The following ITPR2 variants were observed in gnomAD, a reference collection of about 807,000 sequenced individuals.
ITPR2 encodes the protein inositol 1,4,5-trisphosphate receptor type 2.
A neutral mutation model predicts 317.1 loss-of-function variants in ITPR2; 207 were observed. The ratio of observed to expected loss-of-function variants is 0.65; its 90% confidence interval spans 0.58 to 0.73. The LOEUF is 0.73. Ranked by LOEUF, ITPR2 falls within the 30% of genes least tolerant of loss-of-function variation. The probability of loss-of-function intolerance (pLI) is 0.00; values close to 1 mark genes in which losing one functional copy is unlikely to be tolerated. For missense variants in ITPR2, 2,613 were observed against 3,284.0 expected, an observed-to-expected ratio of 0.80 and a Z score of 4.99; for synonymous variants, 1,156 against 1,149.1, an observed-to-expected ratio of 1.01 and a Z score of -0.12.
At chr12:26,764,642 G>A (rs1465351827) in intron 2 of ITPR2, among the ~76,000 whole-genome samples, 2 of 151,628 alleles carry the variant, frequency 1.3e-5, no homozygotes, top group Non-Finnish European at 3.0e-5. Context: ...CAAAGAAAAG[G>A]AATTATTGGG....
intron 47 of ITPR2, among the ~76,000 whole-genome samples, chr12:26,436,613 G>A (rs1386075783): frequency 6.6e-6 from 1 of 152,160 alleles, no homozygotes; most frequent in East Asian, 1.9e-4. Context: ...GCTAAAGGTG[G>A]TCAGAAAAGG....
chr12:26,442,169 T>C (rs917552896), intron 46 of ITPR2, among the ~76,000 whole-genome samples: 1 of 152,100 alleles, frequency 6.6e-6, no homozygotes, highest in Non-Finnish European at 1.5e-5. Context: ...CTTCACTTAC[T>C]TTCTCCTTTC....
At chr12:26,391,119 G>T (rs551716779) in intron 54 of ITPR2, among the ~76,000 whole-genome samples, 1 of 152,140 alleles carries the variant, frequency 6.6e-6, no homozygotes. Flanking sequence ...GAAGTGAATG[G>T]TAATAAAAGG....
rs765192623 is a variant in ITPR2, at chr12:26,580,121, T to C, written c.4415A>G (p.Asp1472Gly). The C allele has an allele frequency of 1.2e-6, 2 of 1,612,530 alleles. No homozygotes were observed. Among genetic ancestry groups the C allele is most frequent in the East Asian group, 4.5e-5 (2 of 44,828 alleles). The change falls in exon 33 of 57, where the codon GAC (aspartate) becomes GGC (glycine). Residue 1472 changes from aspartate (D) to glycine (G), a missense_variant. Physicochemically the swap from Asp to Gly is moderately conservative, Grantham distance 94. Transcript: ENST00000381340. ...AGTAACACACTTTTCCAAAAAGATG[T>C]CTGCATGTTTCCTGTCTGTAGTTGT... is the stretch of plus-strand genomic sequence containing the variant. ...CNTTTDRKHA[D>G]IFLEKCVTES...
At chr12:26,411,283 A>G (rs1326376442) in intron 52 of ITPR2, 37 bp downstream of exon 52, 5 of 1,365,502 alleles carry the variant, frequency 3.7e-6, no homozygotes, top group Non-Finnish European at 5.2e-6. Context: ...CTTCAAAGAT[A>G]TCAAGTTCAT....
intron 2 of ITPR2, among the ~76,000 whole-genome samples, chr12:26,745,561 C>T (rs1380477063): frequency 1.3e-5 from 2 of 152,240 alleles, no homozygotes; most frequent in East Asian, 3.8e-4. Flanking sequence ...CTTAGAATCA[C>T]AGCCTCAAGA....
intron 55 of ITPR2, among the ~76,000 whole-genome samples, chr12:26,350,773 C>T (rs1383787316): frequency 2.0e-5 from 3 of 151,994 alleles, no homozygotes; most frequent in African/African-American, 7.2e-5. Flanking sequence ...CTTTCTGACC[C>T]CCATGAGCAG....
At chr12:26,735,878 T>C (rs192573316) in intron 2 of ITPR2, among the ~76,000 whole-genome samples, 2 of 152,340 alleles carry the variant, frequency 1.3e-5, no homozygotes, top group Admixed American at 1.3e-4. Flanking sequence ...ACCATTACAA[T>C]GGAATGGGAA....
rs1273491846 is a variant in ITPR2, at chr12:26,624,495, C to G, written c.3065-139G>C. On this transcript the variant is annotated intron_variant, in intron 23 of 56. Coordinates refer to ENST00000381340, the MANE Select transcript of ITPR2 (RefSeq NM_002223.4). The stretch of plus-strand genomic sequence containing the variant: ...CCAAAAGTCAATTAACACTAATAAT[C>G]TGATTTTAAAATGGGCAAAAGATCT... 4 of 607,802 alleles carry G rather than the reference C, an allele frequency of 6.6e-6. No homozygotes were observed. In the African/African-American group the frequency reaches 7.6e-5, roughly 11 times the overall value. 37.7% of individuals were successfully genotyped at this position (607,802 alleles called of 1,614,324 possible).
intron 13 of ITPR2, among the ~76,000 whole-genome samples, chr12:26,674,343 C>T (rs954599374): frequency 6.6e-4 from 100 of 152,258 alleles, no homozygotes; most frequent in South Asian, 5.8e-3. Context: ...GGTACCAAAA[C>T]AGAGATATAG....
chr12:26,733,970 C>A (rs190968615), intron 2 of ITPR2, among the ~76,000 whole-genome samples: 303 of 152,262 alleles, frequency 2.0e-3, no homozygotes, highest in Non-Finnish European at 3.4e-3. Context: ...TGTTTCTACA[C>A]ACATACATGC....
intron 1 of ITPR2, among the ~76,000 whole-genome samples, chr12:26,804,724 T>C (rs1352091672): frequency 2.0e-5 from 3 of 151,920 alleles, no homozygotes; most frequent in East Asian, 1.9e-4. Context: ...AGACTCTTAT[T>C]TATTTTATTT....
At chr12:26,568,018 A>AT (rs1284071618) in intron 34 of ITPR2, among the ~76,000 whole-genome samples, 1 of 122,412 alleles carries the variant, frequency 8.2e-6, no homozygotes, top group African/African-American at 3.4e-5. Context: ...ATATATATAT[A>AT]TATATATATA....
At position 26,475,302 on chromosome 12, in the gene ITPR2, G is replaced by C. The variant is rs200479256; in HGVS notation, c.6336C>G (p.Ala2112=). 4.6e-5 allele frequency: 75 copies of C among 1,613,672 alleles called. No homozygotes were observed. In the African/African-American group the frequency reaches 7.1e-4, roughly 15 times the overall value. The change falls in exon 45 of 57, where the codon GCC becomes GCG. Residue 2112 remains alanine, a synonymous_variant. Coordinates refer to ENST00000381340, the MANE Select transcript of ITPR2 (RefSeq NM_002223.4). ...KDVGHNIYIL[A]HQLARHNKLL... ...AAGATATAAAATGTGACACCTGATG[G>C]GCCAGAATATAGATATTGTGTCCAA...
At chr12:26,814,897 A>C (rs766808774) in intron 1 of ITPR2, among the ~76,000 whole-genome samples, 1 of 152,256 alleles carries the variant, frequency 6.6e-6, no homozygotes, top group Non-Finnish European at 1.5e-5. Flanking sequence ...CAAGAGAAGC[A>C]TGATAATTTG....
At chr12:26,454,089 T>C (rs188032569) in intron 45 of ITPR2, among the ~76,000 whole-genome samples, 5 of 152,318 alleles carry the variant, frequency 3.3e-5, no homozygotes, top group Admixed American at 3.3e-4. Flanking sequence ...GCTTATTTAT[T>C]AGTTCAATTT....
In ITPR2 at chr12:26,585,464, C is replaced by T. The variant is rs1024224442; in HGVS notation, c.4381-5309G>A. On this transcript the variant is annotated intron_variant, in intron 32 of 56. Coordinates refer to ENST00000381340, the MANE Select transcript of ITPR2 (RefSeq NM_002223.4). ...CTCTGTCACCCAGGTTGGAGTGCAGCGGTGCAATCAGCTCATTGCAACCTC... is the reference window on the plus strand; with the variant it reads ...CTCTGTCACCCAGGTTGGAGTGCAGTGGTGCAATCAGCTCATTGCAACCTC... Among the ~76,000 whole-genome samples, 12 of 152,192 alleles carry T rather than the reference C, an allele frequency of 7.9e-5. 1 individual carries two copies. Among genetic ancestry groups the T allele is most frequent in the East Asian group, 5.8e-4 (3 of 5,184 alleles).
chr12:26,596,703 T>C (rs1372295548), intron 31 of ITPR2, among the ~76,000 whole-genome samples, 180 bp downstream of exon 31: 1 of 151,974 alleles, frequency 6.6e-6, no homozygotes, highest in Non-Finnish European at 1.5e-5. Flanking sequence ...TAGAACTTCT[T>C]ATTAAAAAGT....
chr12:26,587,692 G>A (rs1240652487), intron 32 of ITPR2, among the ~76,000 whole-genome samples: 2 of 149,930 alleles, frequency 1.3e-5, no homozygotes, highest in Non-Finnish European at 3.0e-5. Context: ...GAGGAGTGAC[G>A]ATCATCTTCT....
Sources: gnomAD v4.1 joint callset for allele counts (sites outside exome capture counted in the v4.1 genomes callset) on GRCh38, gnomAD v4.1.1 for gene constraint, MANE v1.5 for transcripts, NCBI Gene and HGNC (gene_info 2026-07-23, HGNC 2026-07-21) for gene names.